Variants in SYNPO2 observed in about 807,000 individuals in gnomAD.
The protein encoded by SYNPO2 is synaptopodin-2.
SYNPO2 carries 56 observed loss-of-function variants against 85.0 expected under a neutral mutation model. That is an observed-to-expected ratio of 0.66 (90% confidence interval 0.53 to 0.82). SYNPO2 has a LOEUF of 0.82. SYNPO2 is among the 40% of genes least tolerant of loss of function. SYNPO2 has a pLI of 0.00. For synonymous variants in SYNPO2, 602 were observed against 591.1 expected, an observed-to-expected ratio of 1.02 and a Z score of -0.27; for missense variants, 1,575 against 1,534.2, an observed-to-expected ratio of 1.03 and a Z score of -0.44.
intron 1 of SYNPO2, among the ~76,000 whole-genome samples, chr4:118,992,794 C>T (rs964559844): frequency 2.0e-5 from 3 of 152,170 alleles, no homozygotes; most frequent in African/African-American, 4.8e-5. Context: ...CCTGGCTCAG[C>T]AAAGCTTCTG....
chr4:118,966,921 A>C (rs1275351578), intron 1 of SYNPO2, among the ~76,000 whole-genome samples: 1 of 152,214 alleles, frequency 6.6e-6, no homozygotes. Context: ...AGTTAATAAC[A>C]TGGTAGTTTT....
At chr4:118,878,540 G>A (rs1003506009) in intron 1 of SYNPO2, among the ~76,000 whole-genome samples, 2 of 152,046 alleles carry the variant, frequency 1.3e-5, no homozygotes, top group African/African-American at 2.4e-5. Flanking sequence ...GATTGTAAAC[G>A]CACCAATCCG....
At position 119,030,655 on chromosome 4, in the gene SYNPO2, C is replaced by T. The variant is rs560575675; in HGVS notation, c.1880C>T (p.Pro627Leu). 83 of 1,614,170 alleles carry T rather than the reference C, an allele frequency of 5.1e-5. 1 individual carries two copies. In the South Asian group the frequency reaches 8.7e-4, roughly 17 times the overall value. ...PAPPPYSAVT[P>L]PPDAFSRGVS... ...CCTCCACCTTACTCTGCAGTCACTC[C>T]TCCCCCTGACGCCTTCTCCAGAGGG... is the stretch of plus-strand genomic sequence containing the variant. Residue 627 changes from proline to leucine, a missense_variant, in exon 4 of 5, where the codon CCT becomes CTT. Coordinates refer to ENST00000307142, the MANE Select transcript of SYNPO2 (RefSeq NM_133477.3).
intron 1 of SYNPO2, among the ~76,000 whole-genome samples, chr4:118,994,464 C>T (rs1417906217): frequency 6.6e-6 from 1 of 152,178 alleles, no homozygotes; most frequent in Non-Finnish European, 1.5e-5. Context: ...GACCTACCAC[C>T]TAAATGTAAT....
chr4:119,000,362 G>A (rs1736779382), intron 1 of SYNPO2, among the ~76,000 whole-genome samples: 2 of 152,038 alleles, frequency 1.3e-5, no homozygotes, highest in South Asian at 2.1e-4. Flanking sequence ...CTCTTTCTTT[G>A]CTTTTAATGT....
intron 1 of SYNPO2, among the ~76,000 whole-genome samples, chr4:118,852,595 A>G (rs1731440053): frequency 6.6e-6 from 1 of 152,200 alleles, no homozygotes; most frequent in Admixed American, 6.5e-5. Context: ...TCTGGAGGCC[A>G]TTATCCTCAG....
At chr4:118,977,061 C>T (rs1458111436) in intron 1 of SYNPO2, among the ~76,000 whole-genome samples, 2 of 152,232 alleles carry the variant, frequency 1.3e-5, no homozygotes, top group African/African-American at 2.4e-5. Context: ...ATTCCTCAGC[C>T]CTTGGGTGGT....
At chr4:118,891,651 A>G (rs969720803) in intron 1 of SYNPO2, among the ~76,000 whole-genome samples, 1 of 152,164 alleles carries the variant, frequency 6.6e-6, no homozygotes, top group African/African-American at 2.4e-5. Context: ...TGGTATCTCA[A>G]TGTGTTCAAG....
At chr4:118,961,555 G>A (rs553350748) in intron 1 of SYNPO2, among the ~76,000 whole-genome samples, 1 of 152,306 alleles carries the variant, frequency 6.6e-6, no homozygotes, top group Non-Finnish European at 1.5e-5. Context: ...CTTTACTAGA[G>A]CAGCCTCCAC....
intron 1 of SYNPO2, among the ~76,000 whole-genome samples, chr4:118,933,829 GT>G (rs71595334): frequency 0.022 from 2,275 of 102,308 alleles, 61 homozygotes; most frequent in African/African-American, 0.073. Context: ...TGTTGTTGTT[GT>G]TTTTTTTTTT....
chr4:118,862,149 A>G (rs943095768), intron 1 of SYNPO2, among the ~76,000 whole-genome samples: 8 of 152,144 alleles, frequency 5.3e-5, no homozygotes, highest in Non-Finnish European at 1.0e-4. Flanking sequence ...TGCTGTTGGC[A>G]TATAAAATGC....
rs1432138012 is a variant in SYNPO2, at chr4:118,924,153, TA to T, written c.105+35015del. Among the ~76,000 whole-genome samples, 4 of 152,236 alleles carry T rather than the reference TA, an allele frequency of 2.6e-5. No homozygotes were observed. The East Asian group carries it at 7.7e-4, about 29-fold the overall frequency. On this transcript the variant is annotated intron_variant, in intron 1 of 4. Coordinates refer to ENST00000307142, the MANE Select transcript of SYNPO2 (RefSeq NM_133477.3). ...GGGTGTATAGCATTCCCCAGCAGAT[TA>T]AAGACCAGCAAGTCAATACAAAGTT...
intron 1 of SYNPO2, among the ~76,000 whole-genome samples, chr4:118,875,012 C>T (rs1024320611): frequency 6.6e-6 from 1 of 152,316 alleles, no homozygotes. Flanking sequence ...TCCTAATGCT[C>T]TCCCCATCTG....
intron 1 of SYNPO2, among the ~76,000 whole-genome samples, chr4:118,912,286 G>A (rs1391458873): frequency 1.3e-5 from 2 of 152,148 alleles, no homozygotes; most frequent in Admixed American, 6.5e-5. Context: ...GCTCGAATGA[G>A]CTTCCCATTT....
At chr4:118,982,257 G>GA (rs1178330276) in intron 1 of SYNPO2, among the ~76,000 whole-genome samples, 1 of 151,224 alleles carries the variant, frequency 6.6e-6, no homozygotes, top group Non-Finnish European at 1.5e-5. Flanking sequence ...AAGTGCTATT[G>GA]AAAAAAAAGA....
intron 1 of SYNPO2, among the ~76,000 whole-genome samples, chr4:119,005,037 G>A (rs1419674402): frequency 6.6e-6 from 1 of 152,092 alleles, no homozygotes; most frequent in African/African-American, 2.4e-5. Context: ...TTTGAGAAAT[G>A]TCTGTTCATA....
intron 1 of SYNPO2, among the ~76,000 whole-genome samples, chr4:118,900,703 C>CTCTCTCTCTCTCTCTCTATATATATA (rs1277981772): frequency 2.3e-5 from 1 of 43,892 alleles, no homozygotes; most frequent in Non-Finnish European, 4.6e-5. Context: ...CTCTCTCTCT[C>CTCTCTCTCTCTCTCTCTATATATATA]TATATATATA....
rs1739252044 is a variant in SYNPO2, at chr4:119,057,608, G to C, written c.3460G>C (p.Glu1154Gln). 6.2e-7 allele frequency: 1 copy of C among 1,613,992 alleles called. No individual in the cohort carries two copies. The highest frequency in any genetic ancestry group is 1.1e-5 in the South Asian group (1 of 91,062). ...TGCTTTCCAACCCAGAAACATCCAGGAATCCATTGTGGCAAATGTGGTTTC... is the reference window on the plus strand; with the variant it reads ...TGCTTTCCAACCCAGAAACATCCAGCAATCCATTGTGGCAAATGTGGTTTC... ...DDAFQPRNIQ[E>Q]SIVANVVSAA... Residue 1154 changes from glutamate to glutamine, a missense_variant, in exon 5 of 5, where the codon GAA (glutamate) becomes CAA (glutamine). Physicochemically the swap from Glu to Gln is conservative, Grantham distance 29 (BLOSUM62 2). Around this residue, in one of 3 missense-constraint regions of SYNPO2, gnomAD observed 1,508 missense variants for 1,446.8 expected, o/e 1.04. Transcript: ENST00000307142.
chr4:118,897,318 C>T (rs1228974940), intron 1 of SYNPO2, among the ~76,000 whole-genome samples: 8 of 152,230 alleles, frequency 5.3e-5, no homozygotes, highest in African/African-American at 1.7e-4. Flanking sequence ...TTCCCTCCCT[C>T]AACATGTGAG....
Sources: gnomAD v4.1 joint callset for allele counts (sites outside exome capture counted in the v4.1 genomes callset) on GRCh38, gnomAD v4.1.1 for gene constraint, gnomAD v4.1.1 regional missense constraint, MANE v1.5 for transcripts, NCBI Gene and HGNC (gene_info 2026-07-23, HGNC 2026-07-21) for gene names.